The following ADARB2 variants were observed in gnomAD, a reference collection of about 807,000 sequenced individuals.
ADARB2 encodes adenosine deaminase RNA specific B2 (inactive).
A neutral mutation model predicts 62.2 loss-of-function variants in ADARB2; 25 were observed. The ratio of observed to expected loss-of-function variants is 0.40; its 90% CI spans 0.29 to 0.56. The LOEUF (loss-of-function observed/expected upper bound fraction) is 0.56. ADARB2 is among the 20% of genes least tolerant of loss of function. The pLI is 0.43. For synonymous variants in ADARB2, 572 were observed against 500.8 expected (o/e 1.14, Z -1.90); for missense variants, 1,071 against 1,077.4 (o/e 0.99, Z 0.08).
chr10:1,315,025 C>T (rs954395531), intron 3 of ADARB2, among the ~76,000 whole-genome samples: 1 of 152,212 alleles, frequency 6.6e-6, no homozygotes, highest in Non-Finnish European at 1.5e-5. Flanking sequence ...GAAGCCGCCC[C>T]GAGGTTCCAA....
intron 1 of ADARB2, chr10:1,527,043 G>T (rs958958472): frequency 4.3e-6 from 1 of 233,274 alleles, no homozygotes; most frequent in Non-Finnish European, 9.2e-6. Flanking sequence ...CGCATTTGGG[G>T]ATGATATTAA....
intron 3 of ADARB2, among the ~76,000 whole-genome samples, chr10:1,347,725 C>T (rs116983191): frequency 0.036 from 5,551 of 152,270 alleles, 163 homozygotes; most frequent in Non-Finnish European, 0.048. Context: ...CTCCCGACAG[C>T]GCTCACAGGT....
At position 1,704,766 on chromosome 10, in the gene ADARB2, C is replaced by T. The variant is rs900680663; in HGVS notation, c.100+32285G>A. Among the ~76,000 whole-genome samples the T allele has an allele frequency of 4.6e-5, 7 of 152,130 alleles. No individual in the cohort carries two copies. Among genetic ancestry groups the T allele is most frequent in the Non-Finnish European group, 1.0e-4 (7 of 68,032 alleles). On this transcript the variant is annotated intron_variant, in intron 1 of 9. Coordinates refer to ENST00000381312, the MANE Select transcript of ADARB2 (RefSeq NM_018702.4). The surrounding 1 kb of genome is among the most constrained non-coding windows in gnomAD (Gnocchi z 5.6). ...TAGGGTCTCAGAGAGCCTGGAAGCA[C>T]AGAATGATAAAAAAGCTAGTGTGGG... is the stretch of plus-strand genomic sequence containing the variant.
intron 1 of ADARB2, among the ~76,000 whole-genome samples, chr10:1,381,124 T>C (rs1832478701): frequency 6.6e-6 from 1 of 152,214 alleles, no homozygotes; most frequent in Non-Finnish European, 1.5e-5. Flanking sequence ...TTTTCATATA[T>C]AGTCATTTCT....
chr10:1,241,870 C>T (rs546450724), intron 5 of ADARB2, among the ~76,000 whole-genome samples: 4 of 152,302 alleles, frequency 2.6e-5, no homozygotes, highest in South Asian at 2.1e-4. Flanking sequence ...CCCGGAAGGA[C>T]GAGGGCTGCA....
intron 3 of ADARB2, among the ~76,000 whole-genome samples, chr10:1,324,904 G>T (rs1029757012): frequency 6.6e-6 from 1 of 152,182 alleles, no homozygotes; most frequent in East Asian, 1.9e-4. Flanking sequence ...CCAGGGGATT[G>T]TCAATGCCTG....
At chr10:1,536,234 G>A (rs932019954) in intron 1 of ADARB2, among the ~76,000 whole-genome samples, 1 of 152,164 alleles carries the variant, frequency 6.6e-6, no homozygotes, top group African/African-American at 2.4e-5. Context: ...ACGATTAGAA[G>A]AGAAAGAGAC....
chr10:1,231,889 C>T (rs540021832), intron 6 of ADARB2, among the ~76,000 whole-genome samples: 15 of 152,280 alleles, frequency 9.9e-5, no homozygotes, highest in African/African-American at 2.6e-4. Flanking sequence ...AGGCTAAGCT[C>T]GTGTGAGATT....
chr10:1,691,670 C>A (rs1370671919), intron 1 of ADARB2, among the ~76,000 whole-genome samples: 1 of 152,188 alleles, frequency 6.6e-6, no homozygotes, highest in East Asian at 1.9e-4. Context: ...CTCCTAGAAT[C>A]ATTTCAGGCC....
chr10:1,691,603 G>C (rs1394277713), intron 1 of ADARB2, among the ~76,000 whole-genome samples: 1 of 152,062 alleles, frequency 6.6e-6, no homozygotes, highest in Admixed American at 6.6e-5. Context: ...CTGTTTACTG[G>C]GCTAAATAGA....
In ADARB2 at chr10:1,231,274, G is replaced by A. The variant is rs956983850; in HGVS notation, c.1513+2420C>T. Among the ~76,000 whole-genome samples, 39 of 152,176 alleles carry A rather than the reference G, an allele frequency of 2.6e-4. 1 individual carries two copies. The highest frequency in any genetic ancestry group is 2.6e-3 in the Admixed American group (39 of 15,282). On this transcript the variant is annotated intron_variant, in intron 6 of 9. Transcript: ENST00000381312. Reference sequence around the variant, plus strand: ...TGAGGGTTCCTAGCTGGGTCTTTACGATGCCAACCCTTTAAAGAAGAATGG... The same window carrying A: ...TGAGGGTTCCTAGCTGGGTCTTTACAATGCCAACCCTTTAAAGAAGAATGG...
chr10:1,271,230 G>A (rs1200313173), intron 3 of ADARB2, among the ~76,000 whole-genome samples, 161 bp from the exon 4 acceptor site: 2 of 152,078 alleles, frequency 1.3e-5, no homozygotes, highest in Non-Finnish European at 2.9e-5. Context: ...GACCACACAC[G>A]GCCTCTCCCT....
chr10:1,420,338 G>A (rs1324871528), intron 1 of ADARB2, among the ~76,000 whole-genome samples: 2 of 152,216 alleles, frequency 1.3e-5, no homozygotes, highest in South Asian at 2.1e-4. Flanking sequence ...AGACAGATAT[G>A]TGGTGGGGGA....
At chr10:1,293,166 G>A (rs868341499) in intron 3 of ADARB2, among the ~76,000 whole-genome samples, 273 of 52,888 alleles carry the variant, frequency 5.2e-3, no homozygotes, top group African/African-American at 0.015. Context: ...AGGGTAAGAA[G>A]GGGGGAGAGG....
chr10:1,549,835 G>A (rs554207976), intron 1 of ADARB2, among the ~76,000 whole-genome samples: 21 of 152,204 alleles, frequency 1.4e-4, no homozygotes, highest in African/African-American at 4.3e-4. Context: ...CTGCGATCCC[G>A]GAGAGACGGC....
At chr10:1,614,682 C>A (rs1050617995) in intron 1 of ADARB2, among the ~76,000 whole-genome samples, 1 of 152,130 alleles carries the variant, frequency 6.6e-6, no homozygotes, top group African/African-American at 2.4e-5. Flanking sequence ...GAGGCCGAGG[C>A]GGGCGGATCA....
rs753409293 is a variant in ADARB2, at chr10:1,179,905, G to A, written c.*3288C>T. 3 of 152,014 alleles carry A rather than the reference G, an allele frequency of 2.0e-5. No homozygotes were observed. Among genetic ancestry groups the A allele is most frequent in the Non-Finnish European group, 4.4e-5 (3 of 68,048 alleles). 9.4% of individuals were successfully genotyped at this position (152,014 alleles called of 1,614,324 possible). ...TTGTGTCGTGCCCAGCGTATTTTCAGGGTGACAGAAAGTGACCCATCCCCT... is the reference window on the plus strand; with the variant it reads ...TTGTGTCGTGCCCAGCGTATTTTCAAGGTGACAGAAAGTGACCCATCCCCT... On this transcript the variant is annotated 3_prime_UTR_variant, in exon 10 of 10. Transcript: ENST00000381312.
At chr10:1,291,028 C>A (rs576244624) in intron 3 of ADARB2, 1 of 152,276 alleles carries the variant, frequency 6.6e-6, no homozygotes, top group South Asian at 2.1e-4. Flanking sequence ...TTGCATTCAT[C>A]TGGATTTAAA....
intron 8 of ADARB2, among the ~76,000 whole-genome samples, chr10:1,199,142 A>T (rs1455134100): frequency 6.6e-6 from 1 of 152,196 alleles, no homozygotes; most frequent in Non-Finnish European, 1.5e-5. Context: ...CTCCCACTCC[A>T]GCAAGGGAGG....
Sources: gnomAD v4.1 joint callset for allele counts (sites outside exome capture counted in the v4.1 genomes callset) on GRCh38, gnomAD v4.1.1 for gene constraint, Gnocchi (gnomAD v3.1) non-coding constraint, MANE v1.5 for transcripts, NCBI Gene and HGNC (gene_info 2026-07-23, HGNC 2026-07-21) for gene names.